Variants in ARHGAP6 observed in about 807,000 individuals in gnomAD.
ARHGAP6 encodes Rho GTPase activating protein 6, also known as rho GTPase-activating protein 6.
In ARHGAP6, 16 loss-of-function variants were observed where a neutral mutation model predicts 55.7. The ratio of observed to expected loss-of-function variants is 0.29; its 90% confidence interval spans 0.19 to 0.44. The LOEUF is 0.44. ARHGAP6 is among the 20% of genes least tolerant of loss of function. The pLI is 1.00. For missense variants in ARHGAP6, 698 were observed against 808.9 expected, an observed-to-expected ratio of 0.86 and a Z score of 1.66; for synonymous variants, 382 against 360.9, an observed-to-expected ratio of 1.06 and a Z score of -0.66.
At chrX:11,168,331 A>G (rs777570903) in intron 9 of ARHGAP6, among the ~76,000 whole-genome samples, 1 of 112,588 alleles carries the variant, frequency 8.9e-6, no homozygotes, top group African/African-American at 3.2e-5. Flanking sequence ...AAACTGCTAC[A>G]GTTTGCACAA....
intron 1 of ARHGAP6, among the ~76,000 whole-genome samples, chrX:11,286,071 G>C (rs1199967521): frequency 8.9e-6 from 1 of 112,139 alleles, no homozygotes; most frequent in Non-Finnish European, 1.9e-5. Flanking sequence ...ACATAAAACA[G>C]CCCAAATCCA....
At chrX:11,198,798 G>A (rs761642417) in intron 2 of ARHGAP6, among the ~76,000 whole-genome samples, 2 of 111,872 alleles carry the variant, frequency 1.8e-5, no homozygotes, top group Non-Finnish European at 3.8e-5. Flanking sequence ...AGTAATAATC[G>A]TAAGTCCAAC....
intron 1 of ARHGAP6, among the ~76,000 whole-genome samples, chrX:11,536,730 TAAAG>T (rs1301410047): frequency 8.9e-6 from 1 of 112,525 alleles, no homozygotes; most frequent in African/African-American, 3.2e-5. Flanking sequence ...AAAACGTAAC[TAAAG>T]AAAGCAAAGA....
intron 1 of ARHGAP6, chrX:11,299,110 A>G: frequency 1.2e-5 from 10 of 816,781 alleles, no homozygotes; most frequent in Non-Finnish European, 1.8e-5. Flanking sequence ...TATTAGTCCA[A>G]GCAATATGCT....
intron 1 of ARHGAP6, among the ~76,000 whole-genome samples, chrX:11,315,880 G>T (rs749898321): frequency 3.0e-4 from 33 of 111,703 alleles, no homozygotes; most frequent in Non-Finnish European, 6.0e-4. Context: ...TGCACTGATA[G>T]TTACCTAGTT....
intron 8 of ARHGAP6, among the ~76,000 whole-genome samples, chrX:11,170,189 C>T (rs1471257670): frequency 8.9e-6 from 1 of 111,841 alleles, no homozygotes; most frequent in Non-Finnish European, 1.9e-5. Flanking sequence ...AAACCTATCA[C>T]TTACAGGTAA....
In ARHGAP6 at chrX:11,414,537, G is replaced by A. The variant is rs187434872; in HGVS notation, c.589-159830C>T. On this transcript the variant is annotated intron_variant, in intron 1 of 12. Transcript: ENST00000337414. ...CAGACAGTCTACTAGATATGATCACGTACAGAGCAAACTGGAAAAAAAAAC... is the reference window on the plus strand; with the variant it reads ...CAGACAGTCTACTAGATATGATCACATACAGAGCAAACTGGAAAAAAAAAC... Among the ~76,000 whole-genome samples, 196 of 108,485 alleles carry A rather than the reference G, an allele frequency of 1.8e-3. 1 individual carries two copies. The highest frequency in any genetic ancestry group is 3.3e-3 in the Non-Finnish European group (171 of 52,412). The allele number at this position is 108,485 out of a possible 115,157, so 94.2% of individuals were successfully genotyped here.
At chrX:11,312,601 TC>T (rs1380066044) in intron 1 of ARHGAP6, among the ~76,000 whole-genome samples, 1 of 111,520 alleles carries the variant, frequency 9.0e-6, no homozygotes, top group Non-Finnish European at 1.9e-5. Context: ...TATCCTAGCC[TC>T]CCACATCTTT....
At chrX:11,528,871 C>T (rs1039150653) in intron 1 of ARHGAP6, among the ~76,000 whole-genome samples, 3 of 111,695 alleles carry the variant, frequency 2.7e-5, no homozygotes, top group African/African-American at 9.8e-5. Context: ...TTTCCTGTAC[C>T]CATGTGTAAG....
chrX:11,187,469 T>C (rs371323932), intron 4 of ARHGAP6, among the ~76,000 whole-genome samples: 6 of 112,118 alleles, frequency 5.4e-5, no homozygotes, highest in Middle Eastern at 4.2e-3. Context: ...GTGTTATTGT[T>C]GTACGACAAT....
At position 11,240,224 on chromosome X, in the gene ARHGAP6, T is replaced by C. The variant is rs149412633; in HGVS notation, c.748+14324A>G. 8.6e-3 allele frequency among the ~76,000 whole-genome samples: 967 copies of C among 112,516 alleles called. 8 individuals are homozygous for C. The highest frequency in any genetic ancestry group is 0.03 in the African/African-American group (918 of 30,988). On this transcript the variant is annotated intron_variant, in intron 2 of 12. Coordinates refer to ENST00000337414, the MANE Select transcript of ARHGAP6 (RefSeq NM_013427.3). ...CAGGCTGGACAAAGGATCCACTTACTGCCATTGCCACCCCGAGTGGAATGA... is the reference window on the plus strand; with the variant it reads ...CAGGCTGGACAAAGGATCCACTTACCGCCATTGCCACCCCGAGTGGAATGA...
At chrX:11,608,953 T>C (rs1355930587) in intron 1 of ARHGAP6, among the ~76,000 whole-genome samples, 1 of 111,626 alleles carries the variant, frequency 9.0e-6, no homozygotes, top group African/African-American at 3.3e-5. Flanking sequence ...AAGGCATGGC[T>C]AACCACCTAT....
intron 1 of ARHGAP6, among the ~76,000 whole-genome samples, chrX:11,662,959 A>G (rs1107882): frequency 0.14 from 15,229 of 111,440 alleles, 1,010 homozygotes; most frequent in Middle Eastern, 0.26. Flanking sequence ...TGGAGGTAAC[A>G]TCTTGCCCTC....
intron 1 of ARHGAP6, among the ~76,000 whole-genome samples, chrX:11,454,056 G>C (rs1260614673): frequency 9.2e-6 from 1 of 109,220 alleles, no homozygotes; most frequent in Non-Finnish European, 1.9e-5. Context: ...CCATTCTCTT[G>C]CCTTAGCTTC....
intron 1 of ARHGAP6, among the ~76,000 whole-genome samples, chrX:11,504,203 A>G (rs187443030): frequency 1.8e-5 from 2 of 111,878 alleles, no homozygotes; most frequent in African/African-American, 6.5e-5. Flanking sequence ...TTTCAGTTCT[A>G]CTTTTATTTG....
chrX:11,177,584 G>C (rs957223414), intron 8 of ARHGAP6, among the ~76,000 whole-genome samples: 1 of 111,531 alleles, frequency 9.0e-6, no homozygotes, highest in African/African-American at 3.3e-5. Flanking sequence ...CCCTGTTTTG[G>C]GGGGAGAGTT....
intron 1 of ARHGAP6, among the ~76,000 whole-genome samples, chrX:11,408,891 T>TCA (rs772967238): frequency 3.3e-4 from 35 of 107,316 alleles, no homozygotes; most frequent in Middle Eastern, 4.6e-3. Context: ...AAATTGATCA[T>TCA]CACACACACA....
At chrX:11,241,571 T>C (rs61332400) in intron 2 of ARHGAP6, among the ~76,000 whole-genome samples, 11,049 of 101,775 alleles carry the variant, frequency 0.11, 583 homozygotes, top group Middle Eastern at 0.19. Flanking sequence ...TGTGTGTGTG[T>C]GTGCGCGTGT....
At chrX:11,389,131 G>A (rs1422059495) in intron 1 of ARHGAP6, among the ~76,000 whole-genome samples, 1 of 111,177 alleles carries the variant, frequency 9.0e-6, no homozygotes, top group African/African-American at 3.3e-5. Context: ...GATCGACCAG[G>A]GACACTGCTA....
Sources: gnomAD v4.1 joint callset for allele counts (sites outside exome capture counted in the v4.1 genomes callset) on GRCh38, gnomAD v4.1.1 for gene constraint, MANE v1.5 for transcripts, NCBI Gene and HGNC (gene_info 2026-07-23, HGNC 2026-07-21) for gene names.